The following OSBP2 variants were observed in gnomAD, a reference collection of about 807,000 sequenced individuals.
OSBP2 encodes the protein oxysterol-binding protein 2.
OSBP2 carries 66 observed loss-of-function variants against 96.0 expected under a neutral mutation model. That is an observed-to-expected ratio of 0.69 (90% CI 0.56 to 0.84). The LOEUF (loss-of-function observed/expected upper bound fraction) is 0.84, where lower values mean the gene tolerates loss of function less well. OSBP2 is among the 40% of genes least tolerant of loss of function. The pLI, the probability that OSBP2 is intolerant of heterozygous loss-of-function variation, is 0.00. For synonymous variants in OSBP2, 525 were observed against 520.9 expected, an observed-to-expected ratio of 1.01 and a Z score of -0.11; for missense variants, 1,038 against 1,222.7, an observed-to-expected ratio of 0.85 and a Z score of 2.25.
rs1206537838 is a variant in OSBP2 at position 30,730,774 on chromosome 22, CTATATATA to C, written c.645-10360_645-10353del. Among the ~76,000 whole-genome samples the C allele has an allele frequency of 7.6e-3, 105 of 13,812 alleles. 5 individuals are homozygous for C. The highest frequency in any genetic ancestry group is 0.021 in the East Asian group (12 of 582). 9.1% of individuals were successfully genotyped at this position (13,812 alleles called of 152,430 possible). A position where few individuals can be genotyped will look rare whatever the true frequency, so the allele number is the denominator to read the frequency against. On this transcript the variant is annotated intron_variant, in intron 1 of 13. Coordinates refer to ENST00000332585, the MANE Select transcript of OSBP2 (RefSeq NM_030758.4). ...TCTCTCTCTCTCTCTCTCTCTCTCTCTATATATATATATATATATATATATATATATAT... is the reference window on the plus strand; with the variant it reads ...TCTCTCTCTCTCTCTCTCTCTCTCTCTATATATATATATATATATATATAT...
intron 1 of OSBP2, among the ~76,000 whole-genome samples, chr22:30,721,035 G>A (rs2089541362): frequency 6.6e-6 from 1 of 152,200 alleles, no homozygotes; most frequent in Middle Eastern, 3.4e-3. Context: ...GACTAGCCTG[G>A]TCAACATGGT....
At chr22:30,747,587 T>G (rs1053288768) in intron 2 of OSBP2, among the ~76,000 whole-genome samples, 6 of 152,188 alleles carry the variant, frequency 3.9e-5, no homozygotes, top group African/African-American at 1.4e-4. Context: ...TAGTGGTCGT[T>G]GGGTAAAATC....
At chr22:30,731,457 C>CT (rs2089777792) in intron 1 of OSBP2, 1 of 152,500 alleles carries the variant, frequency 6.6e-6, no homozygotes, top group Non-Finnish European at 1.5e-5. Flanking sequence ...CTGACCTGTT[C>CT]TTTTCATATC....
intron 2 of OSBP2, among the ~76,000 whole-genome samples, chr22:30,856,589 G>A (rs1055726244): frequency 7.3e-5 from 11 of 151,458 alleles, no homozygotes; most frequent in African/African-American, 2.2e-4. Flanking sequence ...ATTTTGCCAC[G>A]TTGGTCAGGC....
chr22:30,733,092 A>G (rs1016868327), intron 1 of OSBP2, among the ~76,000 whole-genome samples: 2 of 152,214 alleles, frequency 1.3e-5, no homozygotes, highest in Non-Finnish European at 2.9e-5. Context: ...TATCCCTCCA[A>G]GGTGGAAGGG....
intron 2 of OSBP2, among the ~76,000 whole-genome samples, chr22:30,778,168 C>T (rs62235901): frequency 5.2e-5 from 2 of 38,188 alleles, no homozygotes; most frequent in Non-Finnish European, 1.0e-4. Flanking sequence ...CTAATTTTTG[C>T]CCTTTTTTTT....
In OSBP2 at chr22:30,905,867, A is replaced by G. The variant is rs376841737; in HGVS notation, c.2406A>G (p.Ser802=). The change falls in exon 13 of 14, where the codon TCA becomes TCG. Residue 802 remains serine, a synonymous_variant. Transcript: ENST00000332585. ...ACGCGGAGAACATGTACTACTTCTC[A>G]GAGCTGGCCCTGACCCTCAACGAGC... ...PENAENMYYF[S]ELALTLNEHE... 12 of 1,613,314 alleles carry G rather than the reference A, an allele frequency of 7.4e-6. No individual in the cohort carries two copies. The highest frequency in any genetic ancestry group is 1.0e-5 in the Non-Finnish European group (12 of 1,179,696).
chr22:30,756,166 C>T (rs1378019447), intron 2 of OSBP2, among the ~76,000 whole-genome samples: 4 of 152,166 alleles, frequency 2.6e-5, no homozygotes, highest in Non-Finnish European at 5.9e-5. Flanking sequence ...GTGGCAGTTG[C>T]GTTTTTCTTT....
chr22:30,866,000 C>A (rs1389025097), intron 2 of OSBP2, among the ~76,000 whole-genome samples: 1 of 152,164 alleles, frequency 6.6e-6, no homozygotes, highest in Non-Finnish European at 1.5e-5. Flanking sequence ...TCGAGAGCAT[C>A]CAGGGACGAG....
chr22:30,827,975 G>A (rs1447143998), intron 2 of OSBP2, among the ~76,000 whole-genome samples: 1 of 152,220 alleles, frequency 6.6e-6, no homozygotes, highest in East Asian at 1.9e-4. Context: ...GCATTTAACC[G>A]CGTGTTGGTT....
At chr22:30,752,585 G>A (rs887351434) in intron 2 of OSBP2, among the ~76,000 whole-genome samples, 15 of 151,982 alleles carry the variant, frequency 9.9e-5, no homozygotes, top group African/African-American at 2.4e-4. Flanking sequence ...CCACCGCGCC[G>A]GGCCCAGGGT....
rs1253256011 is a variant in OSBP2 at position 30,881,205 on chromosome 22, G to A, written c.1108-6221G>A. Among the ~76,000 whole-genome samples, 2 of 152,170 alleles carry A rather than the reference G, an allele frequency of 1.3e-5. No homozygotes were observed. The highest frequency in any genetic ancestry group is 6.5e-5 in the Admixed American group (1 of 15,286). ...CCCTTTCACCAGAACCCTCTGTGCA[G>A]CACTTGGGGGTAGGCAGAAGGGGCA... On this transcript the variant is annotated intron_variant, in intron 3 of 13. Coordinates refer to ENST00000332585, the MANE Select transcript of OSBP2 (RefSeq NM_030758.4). This position sits in a 1 kb window ranked among gnomAD's most constrained non-coding sequence, Gnocchi z 4.5.
At chr22:30,694,174 T>C (rs988398824), upstream of OSBP2, 13 of 1,550,222 alleles carry the variant, frequency 8.4e-6, no homozygotes, top group African/African-American at 1.8e-4. Context: ...ACTAAAACGC[T>C]TGGTTTACAA....
chr22:30,767,293 G>A (rs9609083), intron 2 of OSBP2, among the ~76,000 whole-genome samples: 1 of 151,606 alleles, frequency 6.6e-6, no homozygotes, highest in African/African-American at 2.4e-5. Flanking sequence ...CTGGGCAACA[G>A]AGCAAGACTT....
chr22:30,753,688 G>C (rs1381834655), intron 2 of OSBP2, among the ~76,000 whole-genome samples: 6 of 152,174 alleles, frequency 3.9e-5, no homozygotes, highest in Admixed American at 3.9e-4. Flanking sequence ...CTTTCCCAAG[G>C]ATTTTGCATG....
intron 3 of OSBP2, among the ~76,000 whole-genome samples, chr22:30,882,039 G>C (rs932308874): frequency 7.2e-5 from 11 of 152,286 alleles, no homozygotes; most frequent in African/African-American, 2.4e-4. Context: ...GGGACTTCCT[G>C]TCTCCCTGCT....
chr22:30,783,085 T>C (rs2090541737), intron 2 of OSBP2, among the ~76,000 whole-genome samples: 1 of 131,194 alleles, frequency 7.6e-6, no homozygotes, highest in African/African-American at 3.1e-5. Flanking sequence ...TTTTTTTTTT[T>C]TCTGGAGAAA....
At position 30,799,509 on chromosome 22, in the gene OSBP2, C is replaced by T. The variant is rs560500728; in HGVS notation, c.853+58140C>T. On this transcript the variant is annotated intron_variant, in intron 2 of 13. Coordinates refer to ENST00000332585, the MANE Select transcript of OSBP2 (RefSeq NM_030758.4). ...TAGTTAATTCAATGCCTTCTTATTA[C>T]AGATGAGGAAACTGAGGCCCAAAGA... is the stretch of plus-strand genomic sequence containing the variant. Among the ~76,000 whole-genome samples the T allele has an allele frequency of 2.6e-5, 4 of 152,342 alleles. No homozygotes were observed. The East Asian group carries it at 7.7e-4, about 29-fold the overall frequency.
intron 3 of OSBP2, among the ~76,000 whole-genome samples, chr22:30,877,183 T>C (rs1385118337): frequency 1.3e-5 from 2 of 152,118 alleles, no homozygotes; most frequent in Non-Finnish European, 2.9e-5. Flanking sequence ...GAGAATATTG[T>C]GAAAAATCAC....
Sources: gnomAD v4.1 joint callset for allele counts (sites outside exome capture counted in the v4.1 genomes callset) on GRCh38, gnomAD v4.1.1 for gene constraint, Gnocchi (gnomAD v3.1) non-coding constraint, MANE v1.5 for transcripts, NCBI Gene and HGNC (gene_info 2026-07-23, HGNC 2026-07-21) for gene names.